The following GPHN variants were observed in gnomAD, a reference collection of about 807,000 sequenced individuals.
GPHN encodes gephyrin.
A neutral mutation model predicts 95.5 loss-of-function variants in GPHN; 17 were observed. That is an observed-to-expected ratio of 0.18 (90% CI 0.12 to 0.27). GPHN has a LOEUF of 0.27. Among genes scored for constraint, GPHN ranks in the 10% least tolerant of loss-of-function variants. The pLI, the probability that GPHN is intolerant of heterozygous loss-of-function variation, is 1.00. For missense variants in GPHN, 660 were observed against 978.1 expected (o/e 0.67, Z 4.34); for synonymous variants, 320 against 322.5 (o/e 0.99, Z 0.08).
At chr14:66,838,966 A>T (rs1203908970) in intron 4 of GPHN, among the ~76,000 whole-genome samples, 1 of 152,240 alleles carries the variant, frequency 6.6e-6, no homozygotes, top group Admixed American at 6.5e-5. Flanking sequence ...GATTGAGGCA[A>T]CAAAGTAAAC....
At chr14:66,906,944 T>C (rs939973354) in intron 5 of GPHN, among the ~76,000 whole-genome samples, 1 of 152,202 alleles carries the variant, frequency 6.6e-6, no homozygotes, top group African/African-American at 2.4e-5. Context: ...GCTGGAGTGT[T>C]CTACAAATAT....
At chr14:67,188,084 G>A in the GPHN span, among the ~76,000 whole-genome samples, 1 of 152,098 alleles carries the variant, frequency 6.6e-6, no homozygotes, top group Non-Finnish European at 1.5e-5. Context: ...AATGTGGCAG[G>A]AAAGCTTCAT....
At chr14:67,077,663 C>T (rs754884874) in intron 11 of GPHN, among the ~76,000 whole-genome samples, 6 of 152,082 alleles carry the variant, frequency 3.9e-5, no homozygotes, top group Non-Finnish European at 5.9e-5. Context: ...TCTAAAGATA[C>T]CTTAGGCCAG....
the GPHN span, among the ~76,000 whole-genome samples, chr14:67,608,236 G>GA: frequency 2.0e-5 from 3 of 150,120 alleles, no homozygotes; most frequent in South Asian, 2.1e-4. Flanking sequence ...ACCCTGTCTC[G>GA]AAAAAAAAAG....
At chr14:67,563,300 G>A in the GPHN span, among the ~76,000 whole-genome samples, 1 of 152,194 alleles carries the variant, frequency 6.6e-6, no homozygotes, top group Non-Finnish European at 1.5e-5. Flanking sequence ...CAGCTTCCCT[G>A]TCTATAAAAT....
the GPHN span, among the ~76,000 whole-genome samples, chr14:67,273,131 T>A: frequency 6.8e-6 from 1 of 148,010 alleles, no homozygotes; most frequent in Non-Finnish European, 1.5e-5. Flanking sequence ...TTTTTTTTTT[T>A]TATACTTTAA....
At chr14:67,268,552 A>C in the GPHN span, among the ~76,000 whole-genome samples, 14 of 152,350 alleles carry the variant, frequency 9.2e-5, no homozygotes, top group African/African-American at 3.1e-4. Flanking sequence ...AGGGATGGGC[A>C]ATTCGCAGAA....
chr14:67,415,902 T>C, the GPHN span, among the ~76,000 whole-genome samples: 1 of 152,184 alleles, frequency 6.6e-6, no homozygotes, highest in African/African-American at 2.4e-5. Flanking sequence ...TCGCATGGTC[T>C]CACTTGTATG....
chr14:67,314,702 C>G, the GPHN span, among the ~76,000 whole-genome samples: 1 of 152,202 alleles, frequency 6.6e-6, no homozygotes, highest in East Asian at 1.9e-4. Context: ...TATATAGATT[C>G]CAATGATGAC....
At chr14:67,592,296 C>A in the GPHN span, 181 of 419,528 alleles carry the variant, frequency 4.3e-4, no homozygotes, top group Non-Finnish European at 7.0e-4. Context: ...AAAAATTAGC[C>A]AGGCGAGATG....
chr14:67,513,868 G>C, the GPHN span, among the ~76,000 whole-genome samples: 1 of 152,162 alleles, frequency 6.6e-6, no homozygotes, highest in Non-Finnish European at 1.5e-5. Context: ...AGAACTGAAG[G>C]CACCTTGTTC....
intron 1 of GPHN, among the ~76,000 whole-genome samples, chr14:66,631,366 A>G (rs1270004966): frequency 2.6e-5 from 4 of 152,072 alleles, no homozygotes; most frequent in African/African-American, 9.7e-5. Context: ...GTCCTTTTTA[A>G]CAGTGTTTAT....
intron 4 of GPHN, among the ~76,000 whole-genome samples, chr14:66,845,816 CCTCTGTGT>C (rs1356171299): frequency 8.0e-6 from 1 of 124,970 alleles, no homozygotes; most frequent in African/African-American, 3.7e-5. Flanking sequence ...CACATACATG[CCTCTGTGT>C]GTGTGTGTGT....
the GPHN span, among the ~76,000 whole-genome samples, chr14:67,603,378 AG>A: frequency 1.3e-5 from 2 of 152,304 alleles, no homozygotes; most frequent in African/African-American, 4.8e-5. Context: ...CAGGCTAAGA[AG>A]TTTCACAATT....
At chr14:66,586,935 A>G (rs2061446099) in intron 1 of GPHN, among the ~76,000 whole-genome samples, 1 of 152,200 alleles carries the variant, frequency 6.6e-6, no homozygotes, top group Non-Finnish European at 1.5e-5. Flanking sequence ...AGACTGTAAA[A>G]CAATAGGAAA....
At chr14:66,552,547 A>G (rs1373609474) in intron 1 of GPHN, among the ~76,000 whole-genome samples, 1 of 152,142 alleles carries the variant, frequency 6.6e-6, no homozygotes. Context: ...CTACATATCC[A>G]TTTGATAGAA....
At chr14:67,728,447 C>T in the GPHN span, among the ~76,000 whole-genome samples, 1 of 152,146 alleles carries the variant, frequency 6.6e-6, no homozygotes, top group Non-Finnish European at 1.5e-5. Flanking sequence ...GATTCAAATG[C>T]AGACAGTCCA....
chr14:67,136,221 G>A (rs1307575886), intron 17 of GPHN, among the ~76,000 whole-genome samples: 1 of 152,164 alleles, frequency 6.6e-6, no homozygotes, highest in East Asian at 1.9e-4. Context: ...TAAGGGTTCT[G>A]GAAGCTGCTA....
the GPHN span, among the ~76,000 whole-genome samples, chr14:67,484,107 CCT>C: frequency 6.6e-6 from 1 of 152,226 alleles, no homozygotes; most frequent in Admixed American, 6.5e-5. Flanking sequence ...TCCAAAATAG[CCT>C]CTCTGTCACT....
Sources: allele counts gnomAD v4.1 joint callset (sites outside exome capture counted in the v4.1 genomes callset), GRCh38; gene constraint gnomAD v4.1.1; transcripts MANE v1.5; gene names NCBI Gene and HGNC (gene_info 2026-07-23, HGNC 2026-07-21).